Variants in PLSCR2 observed in about 807,000 individuals in gnomAD.
PLSCR2 encodes the protein phospholipid scramblase 2.
A neutral mutation model predicts 25.3 loss-of-function variants in PLSCR2; 18 were observed. The observed-to-expected ratio is 0.71, with a 90% confidence interval of 0.49 to 1.06. The LOEUF is 1.06. PLSCR2 is among the 50% of genes least tolerant of loss of function. PLSCR2 has a pLI of 0.00. For missense variants in PLSCR2, 243 were observed against 269.5 expected (o/e 0.90, Z 0.69); for synonymous variants, 88 against 87.3 (o/e 1.01, Z -0.04).
chr3:146,436,399 T>C (rs1481512116), intron 8 of PLSCR2, among the ~76,000 whole-genome samples: 14 of 152,340 alleles, frequency 9.2e-5, no homozygotes, highest in Middle Eastern at 3.4e-3. Context: ...ATTCTTCCTG[T>C]CCATGAGCAT....
At chr3:146,409,117 G>T (rs895940293) in intron 2 of PLSCR2, among the ~76,000 whole-genome samples, 15 of 152,184 alleles carry the variant, frequency 9.9e-5, no homozygotes, top group Admixed American at 8.5e-4. Flanking sequence ...GGAGGATTAT[G>T]GGTTTTCCAA....
intron 2 of PLSCR2, chr3:146,401,393 A>G (rs2038470993): frequency 6.6e-6 from 1 of 152,556 alleles, no homozygotes; most frequent in Non-Finnish European, 1.5e-5. Context: ...CCTTATGCAG[A>G]GCAAGTACAT....
At chr3:146,451,107 CTTTTTTTTT>C (rs58373001) in intron 5 of PLSCR2, among the ~76,000 whole-genome samples, 14 of 79,500 alleles carry the variant, frequency 1.8e-4, no homozygotes, top group African/African-American at 6.2e-4. Flanking sequence ...ATTAAGTTTT[CTTTTTTTTT>C]TTTTTTTTTT....
At chr3:146,401,095 T>A (rs1295650655) in intron 2 of PLSCR2, among the ~76,000 whole-genome samples, 1 of 151,960 alleles carries the variant, frequency 6.6e-6, no homozygotes, top group Non-Finnish European at 1.5e-5. Context: ...ATAGGCAGAT[T>A]TCTTAGGTCA....
chr3:146,421,567 G>A (rs1473440820), intron 2 of PLSCR2, among the ~76,000 whole-genome samples: 1 of 152,066 alleles, frequency 6.6e-6, no homozygotes, highest in African/African-American at 2.4e-5. Context: ...TGACAGGTAA[G>A]TTGAAACGGT....
chr3:146,416,204 C>G (rs2039003592), intron 2 of PLSCR2, among the ~76,000 whole-genome samples: 1 of 152,082 alleles, frequency 6.6e-6, no homozygotes, highest in Admixed American at 6.6e-5. Context: ...CCCGCCTCAG[C>G]CTCCCAAAGT....
At chr3:146,449,297 G>T in exon 6 of PLSCR2, 1 of 1,610,600 alleles carries the variant, frequency 6.2e-7, no homozygotes, top group East Asian at 2.2e-5. Context: ...ATCAGTAAAT[G>T]CCTCTCTTAA....
chr3:146,457,838 A>G lies in PLSCR2; in HGVS notation c.100+573T>C, dbSNP rs548418263. 4.6e-5 allele frequency among the ~76,000 whole-genome samples: 7 copies of G among 152,308 alleles called. No homozygotes were observed. The East Asian group carries it at 9.7e-4, about 21-fold the overall frequency. On this transcript the variant is annotated intron_variant, in intron 3 of 6. Coordinates refer to ENST00000610787, the Ensembl canonical transcript of PLSCR2. ...TAAGTCTTGGCTGTATTCCTTCTAC[A>G]TTAGAGTTTATAACATTAGGACAGA...
At chr3:146,409,241 C>T (rs941925841) in intron 2 of PLSCR2, among the ~76,000 whole-genome samples, 1 of 152,058 alleles carries the variant, frequency 6.6e-6, no homozygotes, top group Non-Finnish European at 1.5e-5. Flanking sequence ...ATTTCCTCTA[C>T]AGTCAAGAGG....
At chr3:146,494,174 G>C (rs1406103453) in intron 1 of PLSCR2, among the ~76,000 whole-genome samples, 4 of 152,096 alleles carry the variant, frequency 2.6e-5, no homozygotes, top group Non-Finnish European at 4.4e-5. Flanking sequence ...CCTGGGTTCT[G>C]ACTGCTTTCT....
chr3:146,483,471 A>ACGTG (rs2043216445), intron 1 of PLSCR2, among the ~76,000 whole-genome samples: 1 of 49,010 alleles, frequency 2.0e-5, no homozygotes, highest in Non-Finnish European at 4.0e-5. Flanking sequence ...ATATATATAT[A>ACGTG]TACATGTGTA....
intron 1 of PLSCR2, among the ~76,000 whole-genome samples, chr3:146,493,360 A>C (rs1461611981): frequency 6.6e-6 from 1 of 152,108 alleles, no homozygotes; most frequent in Non-Finnish European, 1.5e-5. Flanking sequence ...CTTCAGAACA[A>C]TATCCCTGTT....
chr3:146,454,075 T>C (rs1396408263), exon 5 of PLSCR2: 2 of 1,611,020 alleles, frequency 1.2e-6, no homozygotes, highest in South Asian at 1.1e-5. Context: ...CTCTCTTTTC[T>C]GATTTTTAAT....
In PLSCR2 at chr3:146,449,474, C is replaced by T. The variant is rs943795007; in HGVS notation, c.484-107G>A. 16 of 701,484 alleles carry T rather than the reference C, an allele frequency of 2.3e-5. No homozygotes were observed. The African/African-American group carries it at 2.5e-4, about 11-fold the overall frequency. The allele number at this position is 701,484 out of a possible 1,614,324, so 43.5% of individuals were successfully genotyped here. A position where few individuals can be genotyped will look rare whatever the true frequency, so the allele number is the denominator to read the frequency against. On this transcript the variant is annotated intron_variant, in intron 5 of 6. Transcript: ENST00000610787. ...GGAAATATTATAGTACATTTATGCACCATACATGAGTATACAGTTAATATG... is the reference window on the plus strand; with the variant it reads ...GGAAATATTATAGTACATTTATGCATCATACATGAGTATACAGTTAATATG...
intron 2 of PLSCR2, among the ~76,000 whole-genome samples, chr3:146,404,954 T>C (rs1279195922): frequency 6.6e-6 from 1 of 152,082 alleles, no homozygotes; most frequent in East Asian, 1.9e-4. Flanking sequence ...AGGGTGGGGA[T>C]GTTTGACCCT....
At chr3:146,411,164 C>T (rs1042359204) in intron 2 of PLSCR2, among the ~76,000 whole-genome samples, 2 of 151,994 alleles carry the variant, frequency 1.3e-5, no homozygotes, top group Non-Finnish European at 2.9e-5. Context: ...AGAGAGAGAC[C>T]AGTCTGCCAG....
chr3:146,438,692 G>A (rs2040040721), downstream of PLSCR2, among the ~76,000 whole-genome samples: 1 of 152,138 alleles, frequency 6.6e-6, no homozygotes, highest in Non-Finnish European at 1.5e-5. Flanking sequence ...TGGGTCTCCT[G>A]AATACAGCAC....
intron 6 of PLSCR2, among the ~76,000 whole-genome samples, chr3:146,447,755 G>A (rs1486651252): frequency 2.0e-5 from 3 of 152,078 alleles, no homozygotes; most frequent in South Asian, 2.1e-4. Context: ...GCACAGCACC[G>A]GGAGTTGCCC....
intron 2 of PLSCR2, among the ~76,000 whole-genome samples, chr3:146,425,369 T>C (rs1363265525): frequency 6.6e-6 from 1 of 152,056 alleles, no homozygotes; most frequent in East Asian, 1.9e-4. Flanking sequence ...TTCATAAAAG[T>C]GCAAAAAAGG....
Sources: gnomAD v4.1 joint callset for allele counts (sites outside exome capture counted in the v4.1 genomes callset) on GRCh38, gnomAD v4.1.1 for gene constraint, MANE v1.5 for transcripts, NCBI Gene and HGNC (gene_info 2026-07-23, HGNC 2026-07-21) for gene names.